Variants in PGBD1 observed in about 807,000 individuals in gnomAD.
PGBD1 encodes piggyBac transposable element-derived protein 1.
Under a neutral mutation model 34.7 loss-of-function variants are expected in PGBD1, and 25 were observed. The ratio of observed to expected loss-of-function variants is 0.72; its 90% CI spans 0.52 to 1.00. The LOEUF (loss-of-function observed/expected upper bound fraction) is 1.00, where lower values mean the gene tolerates loss of function less well. Among genes scored for constraint, PGBD1 ranks in the 50% least tolerant of loss-of-function variants. PGBD1 has a pLI of 0.00. For synonymous variants in PGBD1, 292 were observed against 335.7 expected, an observed-to-expected ratio of 0.87 and a Z score of 1.42; for missense variants, 830 against 959.4, an observed-to-expected ratio of 0.87 and a Z score of 1.78.
chr6:28,284,321 A>G, intron 2 of PGBD1, 112 bp downstream of exon 2: 2 of 1,218,882 alleles, frequency 1.6e-6, no homozygotes, highest in Non-Finnish European at 2.2e-6. Context: ...TATTAGAAGA[A>G]TAGAGAACTC....
intron 2 of PGBD1, 42 bp downstream of exon 2, chr6:28,284,251 G>T: frequency 6.9e-7 from 1 of 1,451,232 alleles, no homozygotes; most frequent in East Asian, 2.4e-5. Flanking sequence ...GAAGAAAAGG[G>T]GGACATGTAT....
chr6:28,299,335 C>T (rs1762750314), intron 6 of PGBD1, among the ~76,000 whole-genome samples: 2 of 151,858 alleles, frequency 1.3e-5, no homozygotes, highest in Non-Finnish European at 2.9e-5. Context: ...GTCCCCCTCC[C>T]TCACCCCCAC....
At chr6:28,289,713 A>G (rs1398805013) in intron 4 of PGBD1, among the ~76,000 whole-genome samples, 3 of 152,222 alleles carry the variant, frequency 2.0e-5, no homozygotes. Flanking sequence ...CAGCCCAGGC[A>G]ACATGGTAAG....
At chr6:28,298,663 A>G (rs1762731302) in intron 6 of PGBD1, among the ~76,000 whole-genome samples, 1 of 152,178 alleles carries the variant, frequency 6.6e-6, no homozygotes, top group African/African-American at 2.4e-5. Context: ...AAGGAAAGTT[A>G]GCTGATGAAG....
At chr6:28,282,356 C>A (rs1259087425) in intron 1 of PGBD1, among the ~76,000 whole-genome samples, 1 of 152,150 alleles carries the variant, frequency 6.6e-6, no homozygotes, top group Non-Finnish European at 1.5e-5. Context: ...CAGCAAAACC[C>A]AGTAAAGATT....
chr6:28,281,675 C>T lies in PGBD1; in HGVS notation c.-282C>T. On this transcript the variant is annotated 5_prime_UTR_variant, in exon 1 of 7. Transcript: ENST00000682144. ...GCGCTCCCGACAGGGGAGCACCGGGCCTCTGAGCTCCCTCGGGAGCCTTTC... is the reference window on the plus strand; with the variant it reads ...GCGCTCCCGACAGGGGAGCACCGGGTCTCTGAGCTCCCTCGGGAGCCTTTC... 1 of 352,118 alleles carries T rather than the reference C, an allele frequency of 2.8e-6. No individual in the cohort carries two copies. Among genetic ancestry groups the T allele is most frequent in the Non-Finnish European group, 5.1e-6 (1 of 197,202 alleles). The allele number at this position is 352,118 out of a possible 1,614,324, so 21.8% of individuals were successfully genotyped here.
chr6:28,295,945 CCTT>C (rs1561889664), intron 4 of PGBD1, among the ~76,000 whole-genome samples: 1 of 152,176 alleles, frequency 6.6e-6, no homozygotes, highest in Non-Finnish European at 1.5e-5. Context: ...GAAACCCCCT[CCTT>C]GTCAAAACAG....
intron 4 of PGBD1, among the ~76,000 whole-genome samples, chr6:28,287,801 A>G (rs1384271094): frequency 6.6e-6 from 1 of 152,164 alleles, no homozygotes; most frequent in Non-Finnish European, 1.5e-5. Context: ...TTAATTTTTA[A>G]TTCTATCAGA....
intron 4 of PGBD1, among the ~76,000 whole-genome samples, chr6:28,294,668 A>G (rs1248223925): frequency 6.6e-6 from 1 of 152,256 alleles, no homozygotes; most frequent in African/African-American, 2.4e-5. Context: ...CCTGGATGAT[A>G]GCACATCTGT....
chr6:28,289,735 A>G (rs1301728560), intron 4 of PGBD1, among the ~76,000 whole-genome samples: 1 of 152,214 alleles, frequency 6.6e-6, no homozygotes, highest in South Asian at 2.1e-4. Flanking sequence ...TCCTGATGCT[A>G]TACCTGGAGA....
In PGBD1 at chr6:28,283,876, G is replaced by A; in HGVS notation, c.63G>A (p.Glu21=). ...ENEDGLVKVK[E]EDPTWEQVCN... ...AAGATGGCCTTGTGAAAGTGAAGGA[G>A]GAAGATCCCACCTGGGAGCAGGTGT... The change falls in exon 2 of 7, where the codon GAG becomes GAA. Residue 21 remains glutamate (E), a synonymous_variant. Transcript: ENST00000682144. 6.2e-7 allele frequency: 1 copy of A among 1,612,766 alleles called. No individual in the cohort carries two copies. Among genetic ancestry groups the A allele is most frequent in the African/African-American group, 1.3e-5 (1 of 75,024 alleles).
At position 28,281,829 on chromosome 6, in the gene PGBD1, CA is replaced by C. The variant is rs1303072551; in HGVS notation, c.-127del. The C allele has an allele frequency of 6.3e-6, 1 of 159,630 alleles. No individual in the cohort carries two copies. The allele number at this position is 159,630 out of a possible 1,614,324, so 9.9% of individuals were successfully genotyped here. ...GGGTGTAATCTCAGAAAAATACATT[CA>C]GGGGCGCGCCTGAGGGTGCTGGCTG... On this transcript the variant is annotated 5_prime_UTR_variant, in exon 1 of 7. An upstream open reading frame in the 5' UTR loses its in-frame stop. Transcript: ENST00000682144.
Position 28,300,772 on chromosome 6 carries a change from G to A in PGBD1, c.918G>A (p.Arg306=). The change falls in exon 7 of 7, where the codon AGG becomes AGA. Residue 306 remains arginine (R), a synonymous_variant. Coordinates refer to ENST00000682144, the MANE Select transcript of PGBD1 (RefSeq NM_032507.4). The surrounding 1 kb of genome is among the most constrained non-coding windows in gnomAD (Gnocchi z 4.0). ...IPCSTPIATE[R]TVAHLNTLKD... ...GTAGTACTCCTATTGCTACTGAAAG[G>A]ACAGTTGCACATTTGAACACTCTGA... The A allele has an allele frequency of 6.2e-7, 1 of 1,613,976 alleles. No individual in the cohort carries two copies. Among genetic ancestry groups the A allele is most frequent in the Middle Eastern group, 1.6e-4 (1 of 6,062 alleles).
chr6:28,282,541 G>A (rs1762160941), intron 1 of PGBD1, among the ~76,000 whole-genome samples: 1 of 152,206 alleles, frequency 6.6e-6, no homozygotes, highest in Admixed American at 6.5e-5. Context: ...TATTGTAACA[G>A]TGAATGAAAA....
intron 4 of PGBD1, among the ~76,000 whole-genome samples, chr6:28,292,416 C>T (rs1029522562): frequency 6.6e-6 from 1 of 151,242 alleles, no homozygotes; most frequent in Non-Finnish European, 1.5e-5. Flanking sequence ...GTTTAAATTC[C>T]CTAGGCATTT....
rs1191399210 is a variant in PGBD1, at chr6:28,297,027, C to T, written c.772+82C>T. 19 of 1,523,654 alleles carry T rather than the reference C, an allele frequency of 1.2e-5. No homozygotes were observed. The Admixed American group carries it at 2.0e-4, about 16-fold the overall frequency. 94.4% of individuals were successfully genotyped at this position (1,523,654 alleles called of 1,614,324 possible). A position where few individuals can be genotyped will look rare whatever the true frequency, so the allele number is the denominator to read the frequency against. ...CCCTGGCTTGGCCCTTGGGAGGCCACGTTTCCTACAGACCCACACCCTTCC... is the reference window on the plus strand; with the variant it reads ...CCCTGGCTTGGCCCTTGGGAGGCCATGTTTCCTACAGACCCACACCCTTCC... On this transcript the variant is annotated intron_variant, in intron 5 of 6. Coordinates refer to ENST00000682144, the MANE Select transcript of PGBD1 (RefSeq NM_032507.4).
chr6:28,301,366 C>G lies in PGBD1; in HGVS notation c.1512C>G (p.Asn504Lys), dbSNP rs367832979. 6.2e-7 allele frequency: 1 copy of G among 1,613,992 alleles called. No homozygotes were observed. Among genetic ancestry groups the G allele is most frequent in the African/African-American group, 1.3e-5 (1 of 74,926 alleles). Reference protein sequence around the residue: ...RRDRFELIFSNLHFADNGHLD... With the variant: ...RRDRFELIFSKLHFADNGHLD... ...ACAGATTTGAATTGATTTTCTCAAA[C>G]CTGCACTTTGCAGATAATGGCCACC... The change falls in exon 7 of 7, where the codon AAC (asparagine) becomes AAG (lysine). Residue 504 changes from asparagine to lysine, a missense_variant. By Grantham distance (94) the Asn-to-Lys change is moderately conservative (BLOSUM62 0). Transcript: ENST00000682144.
chr6:28,284,340 C>A, intron 2 of PGBD1, 131 bp downstream of exon 2: 1 of 1,074,788 alleles, frequency 9.3e-7, no homozygotes, highest in Non-Finnish European at 1.3e-6. Context: ...TCCCGTAAAA[C>A]TCTTCATCCA....
chr6:28,298,372 T>C (rs2142730), intron 6 of PGBD1, among the ~76,000 whole-genome samples: 79,915 of 151,588 alleles, frequency 0.53, 24,482 homozygotes, highest in African/African-American at 0.85. Flanking sequence ...AATGTCAGAG[T>C]GGAAGAGGAC....
Sources: allele counts gnomAD v4.1 joint callset (sites outside exome capture counted in the v4.1 genomes callset), GRCh38; gene constraint gnomAD v4.1.1; non-coding constraint Gnocchi (gnomAD v3.1); transcripts MANE v1.5; gene names NCBI Gene and HGNC (gene_info 2026-07-23, HGNC 2026-07-21).